The following AGO1 variants were observed in gnomAD, a reference collection of about 807,000 sequenced individuals.
AGO1 encodes argonaute RISC component 1.
Under a neutral mutation model 109.2 loss-of-function variants are expected in AGO1, and 11 were observed. The observed-to-expected ratio is 0.10, with a 90% confidence interval of 0.06 to 0.17. AGO1 has a LOEUF of 0.17. Ranked by LOEUF, AGO1 falls within the 10% of genes least tolerant of loss-of-function variation. The probability of loss-of-function intolerance (pLI) is 1.00; values close to 1 mark genes in which losing one functional copy is unlikely to be tolerated. For synonymous variants in AGO1, 422 were observed against 418.6 expected, an observed-to-expected ratio of 1.01 and a Z score of -0.10; for missense variants, 574 against 1,140.3, an observed-to-expected ratio of 0.50 and a Z score of 7.15.
At chr1:35,902,114 G>T (rs751814318) in intron 10 of AGO1, 44 bp downstream of exon 10, 2 of 1,585,408 alleles carry the variant, frequency 1.3e-6, no homozygotes, top group Non-Finnish European at 8.6e-7. Context: ...GCATATGGGG[G>T]TGGTTGGGTT....
chr1:35,918,550 T>A, intron 17 of AGO1, 127 bp downstream of exon 17: 2 of 851,722 alleles, frequency 2.3e-6, no homozygotes, highest in Non-Finnish European at 3.8e-6. Flanking sequence ...CTGTTTGTTC[T>A]GTTTTGTTTT....
In AGO1 at chr1:35,901,745, A is replaced by G; in HGVS notation, c.1140+152A>G. On this transcript the variant is annotated intron_variant, in intron 9 of 18. Transcript: ENST00000373204. The surrounding 1 kb of genome is among the most constrained non-coding windows in gnomAD (Gnocchi z 4.8). ...GCTTTTGCTTCTTGACCGTATAGCT[A>G]CTTTGCTTTCTGTCTCTTTTTCTCT... 5 of 1,368,106 alleles carry G rather than the reference A, an allele frequency of 3.7e-6. No homozygotes were observed. The highest frequency in any genetic ancestry group is 1.5e-5 in the African/African-American group (1 of 68,718). The allele number at this position is 1,368,106 out of a possible 1,614,324, so 84.7% of individuals were successfully genotyped here.
rs767517357 is a variant in AGO1, at chr1:35,929,524, A to G, written c.*9917A>G. The G allele has an allele frequency of 6.6e-6, 1 of 152,216 alleles. No individual in the cohort carries two copies. Among genetic ancestry groups the G allele is most frequent in the Non-Finnish European group, 1.5e-5 (1 of 68,040 alleles). 9.4% of individuals were successfully genotyped at this position (152,216 alleles called of 1,614,324 possible). Reference sequence around the variant, plus strand: ...GGTTGAGGATATAAAAGACCCTTGCACAAGAGTTGGTATTTACCCTGTCAG... The same window carrying G: ...GGTTGAGGATATAAAAGACCCTTGCGCAAGAGTTGGTATTTACCCTGTCAG... On this transcript the variant is annotated 3_prime_UTR_variant, in exon 19 of 19. Coordinates refer to ENST00000373204, the MANE Select transcript of AGO1 (RefSeq NM_012199.5).
At chr1:35,896,271 T>A (rs1304797372) in intron 8 of AGO1, among the ~76,000 whole-genome samples, 1 of 152,222 alleles carries the variant, frequency 6.6e-6, no homozygotes, top group East Asian at 1.9e-4. Flanking sequence ...AGTGCTGGGA[T>A]TACAGGTGTG....
In AGO1 at chr1:35,894,272, G is replaced by A. The variant is rs753640754; in HGVS notation, c.785-43G>A. On this transcript the variant is annotated intron_variant, in intron 6 of 18. Transcript: ENST00000373204. Reference sequence around the variant, plus strand: ...GGGGAGAGACCAAGCCTGGGCACATGAGCAACCTATTTTAGCCCTGACAAG... The same window carrying A: ...GGGGAGAGACCAAGCCTGGGCACATAAGCAACCTATTTTAGCCCTGACAAG... The A allele has an allele frequency of 3.7e-6, 6 of 1,611,538 alleles. No individual in the cohort carries two copies. In the South Asian group the frequency reaches 4.4e-5, roughly 12 times the overall value.
chr1:35,919,590 A>G lies in AGO1; in HGVS notation c.2557A>G (p.Thr853Ala), dbSNP rs1009951542. The G allele has an allele frequency of 6.2e-7, 1 of 1,613,918 alleles. No homozygotes were observed. Among genetic ancestry groups the G allele is most frequent in the Non-Finnish European group, 8.5e-7 (1 of 1,179,860 alleles). The change falls in exon 19 of 19, where the codon ACC becomes GCC. Residue 853 changes from threonine (T) to alanine (A), a missense_variant. By Grantham distance (58) the Thr-to-Ala change is moderately conservative. Transcript: ENST00000373204. The surrounding 1 kb of genome is among the most constrained non-coding windows in gnomAD (Gnocchi z 6.6). ...AVQVHQDTLRTMYFA is the reference protein window; with the variant it reads ...AVQVHQDTLRAMYFA Reference sequence around the variant, plus strand: ...GCAGGTTCACCAGGATACTCTGCGCACCATGTACTTCGCTTGAAGGCAGAA... The same window carrying G: ...GCAGGTTCACCAGGATACTCTGCGCGCCATGTACTTCGCTTGAAGGCAGAA...
chr1:35,877,385 T>C (rs1207882892), intron 1 of AGO1, among the ~76,000 whole-genome samples: 2 of 152,224 alleles, frequency 1.3e-5, no homozygotes, highest in Non-Finnish European at 2.9e-5. Flanking sequence ...TTAGTACACC[T>C]TTCTCCCATC....
rs1466767624 is a variant in AGO1 at position 35,893,546 on chromosome 1, T to G, written c.513-128T>G. 4.9e-6 allele frequency: 5 copies of G among 1,021,604 alleles called. No homozygotes were observed. The highest frequency in any genetic ancestry group is 4.2e-6 in the Non-Finnish European group (3 of 718,488). 63.3% of individuals were successfully genotyped at this position (1,021,604 alleles called of 1,614,324 possible). ...TGTACAAGGTCAGTCATACAACTAG[T>G]AAAGCATCAGAGCTGGCATTAAAGC... is the stretch of plus-strand genomic sequence containing the variant. On this transcript the variant is annotated intron_variant, in intron 4 of 18. Transcript: ENST00000373204. The surrounding 1 kb of genome is among the most constrained non-coding windows in gnomAD (Gnocchi z 5.6).
chr1:35,909,355 C>T (rs1031819924), intron 12 of AGO1, among the ~76,000 whole-genome samples: 1 of 152,194 alleles, frequency 6.6e-6, no homozygotes, highest in Admixed American at 6.5e-5. Context: ...AGTCAACTGG[C>T]TTGGACACAT....
rs935068063 is a variant in AGO1 at position 35,902,068 on chromosome 1, C to T, written c.1261C>T (p.Arg421Trp). Residue 421 changes from arginine (R) to tryptophan (W), a missense_variant and splice_region_variant, in exon 10 of 19, where the codon CGG becomes TGG. Transcript: ENST00000373204. ...GGCGCCCATCTTGCAGTACGGCGGCCGGGTGAGCAGGGTCAGGGCCAGACA... is the reference window on the plus strand; with the variant it reads ...GGCGCCCATCTTGCAGTACGGCGGCTGGGTGAGCAGGGTCAGGGCCAGACA... ...LPAPILQYGG[R>W]NRAIATPNQG... is the part of the protein sequence containing the mutation. 1.9e-6 allele frequency: 3 copies of T among 1,599,986 alleles called. No homozygotes were observed. The highest frequency in any genetic ancestry group is 1.1e-5 in the South Asian group (1 of 88,842).
chr1:35,883,149 C>T (rs2148705809), upstream of AGO1: 2 of 1,124,318 alleles, frequency 1.8e-6, no homozygotes, highest in Admixed American at 5.0e-5. This position sits in a 1 kb window ranked among gnomAD's most constrained non-coding sequence, Gnocchi z 5.4. Context: ...TTGTTGCCGT[C>T]GGAGCGCCCC....
At chr1:35,879,545 G>A (rs1645018678), upstream of AGO1, among the ~76,000 whole-genome samples, 1 of 151,812 alleles carries the variant, frequency 6.6e-6, no homozygotes, top group Non-Finnish European at 1.5e-5. Context: ...ATCACCTGAG[G>A]TCAGGAGTTT....
intron 17 of AGO1, among the ~76,000 whole-genome samples, chr1:35,918,831 C>T (rs1645781421): frequency 6.6e-6 from 1 of 152,238 alleles, no homozygotes; most frequent in Non-Finnish European, 1.5e-5. Flanking sequence ...GCTGGGATTA[C>T]AGGCATGAGC....
At chr1:35,900,097 T>G (rs1645387576) in intron 8 of AGO1, among the ~76,000 whole-genome samples, 1 of 152,128 alleles carries the variant, frequency 6.6e-6, no homozygotes, top group Non-Finnish European at 1.5e-5. Flanking sequence ...CCAGAACAGA[T>G]GAAGTAAATG....
At chr1:35,905,618 C>T (rs766450215) in intron 11 of AGO1, among the ~76,000 whole-genome samples, 32 of 152,088 alleles carry the variant, frequency 2.1e-4, no homozygotes, top group Non-Finnish European at 4.1e-4. Context: ...AGGCACTCAC[C>T]ACCATGCCCG....
intron 8 of AGO1, among the ~76,000 whole-genome samples, chr1:35,898,565 A>T (rs1242333685): frequency 6.6e-6 from 1 of 152,192 alleles, no homozygotes; most frequent in Non-Finnish European, 1.5e-5. Context: ...AATGTTTAAC[A>T]TCGTGATGAG....
chr1:35,905,221 C>T (rs1364289710), intron 11 of AGO1, among the ~76,000 whole-genome samples: 1 of 152,148 alleles, frequency 6.6e-6, no homozygotes, highest in Non-Finnish European at 1.5e-5. Flanking sequence ...TTTTTAATAG[C>T]TACATTGCAG....
chr1:35,911,772 C>CT (rs1249900911), intron 12 of AGO1, among the ~76,000 whole-genome samples: 1 of 152,128 alleles, frequency 6.6e-6, no homozygotes, highest in Non-Finnish European at 1.5e-5. Flanking sequence ...CCTCTATACA[C>CT]TAATTTTTTT....
At chr1:35,917,529 G>A in intron 15 of AGO1, 64 bp from the exon 16 acceptor site, 1 of 1,548,930 alleles carries the variant, frequency 6.5e-7, no homozygotes, top group Non-Finnish European at 8.8e-7. Flanking sequence ...TAGTTCAGAA[G>A]GGTATGTGAA....
Sources: allele counts gnomAD v4.1 joint callset (sites outside exome capture counted in the v4.1 genomes callset), GRCh38; gene constraint gnomAD v4.1.1; non-coding constraint Gnocchi (gnomAD v3.1); transcripts MANE v1.5; gene names NCBI Gene and HGNC (gene_info 2026-07-23, HGNC 2026-07-21).